The following MATN2 variants were observed in gnomAD, a reference collection of about 807,000 sequenced individuals.
The protein encoded by MATN2 is matrilin 2.
A neutral mutation model predicts 103.2 loss-of-function variants in MATN2; 69 were observed. That is an observed-to-expected ratio of 0.67 (90% CI 0.55 to 0.82). The LOEUF (loss-of-function observed/expected upper bound fraction) is 0.82, where lower values mean the gene tolerates loss of function less well. Ranked by LOEUF, MATN2 falls within the 40% of genes least tolerant of loss-of-function variation. MATN2 has a pLI of 0.00. For missense variants in MATN2, 1,023 were observed against 1,211.5 expected, an observed-to-expected ratio of 0.84 and a Z score of 2.31; for synonymous variants, 429 against 450.2, an observed-to-expected ratio of 0.95 and a Z score of 0.60.
At chr8:98,003,928 A>T in intron 8 of MATN2, 145 bp downstream of exon 8, 2 of 882,950 alleles carry the variant, frequency 2.3e-6, no homozygotes, top group East Asian at 5.4e-5. Flanking sequence ...CCTCAGTTTC[A>T]TCACCCATAG....
At chr8:97,978,699 G>A (rs1465910414) in intron 5 of MATN2, among the ~76,000 whole-genome samples, 187 bp from the exon 6 acceptor site, 3 of 151,994 alleles carry the variant, frequency 2.0e-5, no homozygotes, top group African/African-American at 7.3e-5. Flanking sequence ...TATATGAATT[G>A]CCTGATATAG....
chr8:97,930,053 G>A (rs1240717396), intron 2 of MATN2, among the ~76,000 whole-genome samples: 8 of 152,122 alleles, frequency 5.3e-5, no homozygotes, highest in African/African-American at 1.9e-4. Flanking sequence ...CATTCATTCC[G>A]TCTTGGGCTT....
At chr8:97,906,267 CTTT>C (rs1001431321) in intron 2 of MATN2, among the ~76,000 whole-genome samples, 1 of 152,134 alleles carries the variant, frequency 6.6e-6, no homozygotes, top group African/African-American at 2.4e-5. Flanking sequence ...CATGTAAAAA[CTTT>C]ATTCTGAGAA....
At chr8:97,898,238 C>A (rs1818876401) in intron 2 of MATN2, among the ~76,000 whole-genome samples, 1 of 152,144 alleles carries the variant, frequency 6.6e-6, no homozygotes, top group African/African-American at 2.4e-5. Context: ...AGGTGTACAA[C>A]CTTACCCCTA....
rs1244333147 is a variant in MATN2, at chr8:98,007,570, C to G, written c.1542C>G (p.His514Gln). The change falls in exon 10 of 19, where the codon CAC becomes CAG. Residue 514 changes from histidine (H) to glutamine (Q), a missense_variant. By Grantham distance (24) the His-to-Gln change is conservative. Coordinates refer to ENST00000254898, the MANE Select transcript of MATN2 (RefSeq NM_002380.5). The surrounding 1 kb of genome is among the most constrained non-coding windows in gnomAD (Gnocchi z 4.2). ...RSFACQCPEG[H>Q]VLRSDGKTCA... Reference sequence around the variant, plus strand: ...TTGCCTGTCAGTGTCCTGAGGGACACGTGCTCCGCAGCGATGGGAAGACGT... The same window carrying G: ...TTGCCTGTCAGTGTCCTGAGGGACAGGTGCTCCGCAGCGATGGGAAGACGT... The G allele has an allele frequency of 6.2e-7, 1 of 1,612,916 alleles. No homozygotes were observed. The highest frequency in any genetic ancestry group is 8.5e-7 in the Non-Finnish European group (1 of 1,178,986).
chr8:97,879,596 G>A (rs1818190000), intron 1 of MATN2, among the ~76,000 whole-genome samples: 1 of 152,184 alleles, frequency 6.6e-6, no homozygotes, highest in South Asian at 2.1e-4. Flanking sequence ...TGCAGAGGTG[G>A]GAACACCAGA....
At chr8:97,985,529 T>C (rs1812164329) in intron 6 of MATN2, among the ~76,000 whole-genome samples, 1 of 152,214 alleles carries the variant, frequency 6.6e-6, no homozygotes, top group African/African-American at 2.4e-5. Context: ...CCCACATTGT[T>C]CTTTTTTGTA....
chr8:97,903,241 C>A (rs538840087), intron 2 of MATN2, among the ~76,000 whole-genome samples: 1 of 147,506 alleles, frequency 6.8e-6, no homozygotes, highest in African/African-American at 2.5e-5. Context: ...CGCCTTCACC[C>A]ACCCTTTCCT....
At position 97,998,339 on chromosome 8, in the gene MATN2, T is replaced by C. The variant is rs190905313; in HGVS notation, c.1204+3737T>C. On this transcript the variant is annotated intron_variant, in intron 7 of 18. Coordinates refer to ENST00000254898, the MANE Select transcript of MATN2 (RefSeq NM_002380.5). ...ATCGAGACCATCCTGGCTAACACGG[T>C]GAAACCCCGTCTCTACTAAAAAATA... 8.5e-3 allele frequency among the ~76,000 whole-genome samples: 1,278 copies of C among 150,264 alleles called. 20 individuals carry two copies. Among genetic ancestry groups the C allele is most frequent in the African/African-American group, 0.029 (1,213 of 41,300 alleles).
In MATN2 at chr8:97,931,135, T is replaced by C. The variant is rs925005334; in HGVS notation, c.325T>C (p.Phe109Leu). Residue 109 changes from phenylalanine to leucine, a missense_variant, in exon 3 of 19, where the codon TTC becomes CTC. Transcript: ENST00000254898. This position sits in a 1 kb window ranked among gnomAD's most constrained non-coding sequence, Gnocchi z 4.1. Reference sequence around the variant, plus strand: ...ATATGGCAGCACTGTCAAGAATGAGTTCTCCCTCAAGACCTTCAAGAGGAA... The same window carrying C: ...ATATGGCAGCACTGTCAAGAATGAGCTCTCCCTCAAGACCTTCAAGAGGAA... The part of the protein sequence containing the change: ...LQYGSTVKNE[F>L]SLKTFKRKSE... 5 of 1,613,754 alleles carry C rather than the reference T, an allele frequency of 3.1e-6. No individual in the cohort carries two copies. The highest frequency in any genetic ancestry group is 1.1e-5 in the South Asian group (1 of 91,076).
At chr8:97,883,500 G>A (rs1487700080) in intron 1 of MATN2, among the ~76,000 whole-genome samples, 5 of 151,140 alleles carry the variant, frequency 3.3e-5, no homozygotes, top group African/African-American at 1.2e-4. Context: ...CAATCCTCCA[G>A]TCTCAGCCTC....
rs551692778 is a variant in MATN2, at chr8:97,970,691, T to C, written c.959-8195T>C. ...GGCTGGATGTGGTGGCTTATGCATG[T>C]AATCCCAGCACTTTGAGAGGCCAAG... On this transcript the variant is annotated intron_variant, in intron 5 of 18. Transcript: ENST00000254898. 3.3e-5 allele frequency among the ~76,000 whole-genome samples: 5 copies of C among 152,296 alleles called. No individual in the cohort carries two copies. The South Asian group carries it at 1.0e-3, about 32-fold the overall frequency.
In MATN2 at chr8:98,033,658, C is replaced by A; in HGVS notation, c.2814C>A (p.Arg938=). The part of the protein sequence containing the change: ...ANEEVRKLTQ[R]LEEMTQRMEA... ...AAGAAGTAAGAAAATTAACACAGCGCTATATCCTTTTCTTGCATTATGCTT... is the reference window on the plus strand; with the variant it reads ...AAGAAGTAAGAAAATTAACACAGCGATATATCCTTTTCTTGCATTATGCTT... The change falls in exon 18 of 19, where the codon CGC becomes CGA. Residue 938 remains arginine, a splice_region_variant and synonymous_variant. Transcript: ENST00000254898. 6.3e-7 allele frequency: 1 copy of A among 1,583,330 alleles called. No individual in the cohort carries two copies. The highest frequency in any genetic ancestry group is 1.3e-5 in the African/African-American group (1 of 74,542).
intron 3 of MATN2, among the ~76,000 whole-genome samples, chr8:97,936,192 A>G (rs777778338): frequency 1.3e-5 from 2 of 152,188 alleles, no homozygotes; most frequent in Non-Finnish European, 2.9e-5. Flanking sequence ...GCCACCCAGT[A>G]AGAGAAAACA....
chr8:98,027,783 G>A lies in MATN2; in HGVS notation c.2310G>A (p.Arg770=), dbSNP rs1802753730. ...CAGCCATTGTGTTCACCGACGGACG[G>A]GCTCAGGATGACGTCTCCGAGTGGG... ...PRAAIVFTDG[R]AQDDVSEWAS... Residue 770 remains arginine, a synonymous_variant, in exon 14 of 19, where the codon CGG becomes CGA. Transcript: ENST00000254898. 6.3e-7 allele frequency: 1 copy of A among 1,599,660 alleles called. No individual in the cohort carries two copies. Among genetic ancestry groups the A allele is most frequent in the Non-Finnish European group, 8.5e-7 (1 of 1,173,796 alleles).
At chr8:97,951,233 G>GCC (rs1730139248) in intron 4 of MATN2, among the ~76,000 whole-genome samples, 1 of 152,226 alleles carries the variant, frequency 6.6e-6, no homozygotes, top group South Asian at 2.1e-4. Flanking sequence ...TCACCCTCTG[G>GCC]CTGTGCCAGG....
chr8:97,943,428 TCTCCTTCTCCTCCTCCTCCAC>T (rs1810640455), intron 4 of MATN2, among the ~76,000 whole-genome samples: 1 of 150,738 alleles, frequency 6.6e-6, no homozygotes, highest in Non-Finnish European at 1.5e-5. Flanking sequence ...TCCTTCTCCT[TCTCCTTCTCCTCCTCCTCCAC>T]CTCCTCCTCC....
intron 7 of MATN2, among the ~76,000 whole-genome samples, chr8:97,995,208 C>T (rs1812541896): frequency 6.6e-6 from 1 of 152,156 alleles, no homozygotes; most frequent in Non-Finnish European, 1.5e-5. Flanking sequence ...CAAACCATTC[C>T]TGAGAGACTG....
chr8:97,935,264 G>A (rs76864569), intron 3 of MATN2, among the ~76,000 whole-genome samples: 3,978 of 152,162 alleles, frequency 0.026, 192 homozygotes, highest in African/African-American at 0.092. Flanking sequence ...GGTCTGCCTG[G>A]GGGCTCCAGG....
Sources: allele counts gnomAD v4.1 joint callset (sites outside exome capture counted in the v4.1 genomes callset), GRCh38; gene constraint gnomAD v4.1.1; non-coding constraint Gnocchi (gnomAD v3.1); transcripts MANE v1.5; gene names NCBI Gene and HGNC (gene_info 2026-07-23, HGNC 2026-07-21).